Variants in C1orf87 observed in about 807,000 individuals in gnomAD.
The protein encoded by C1orf87 is chromosome 1 open reading frame 87.
C1orf87 carries 58 observed loss-of-function variants against 60.5 expected under a neutral mutation model. The observed-to-expected ratio is 0.96, with a 90% CI of 0.78 to 1.19. C1orf87 has a LOEUF of 1.19. C1orf87 is among the 50% of genes most tolerant of loss of function. The probability of loss-of-function intolerance (pLI) is 0.00; values close to 1 mark genes in which losing one functional copy is unlikely to be tolerated. For missense variants in C1orf87, 673 were observed against 638.6 expected (o/e 1.05, Z -0.58); for synonymous variants, 236 against 227.4 (o/e 1.04, Z -0.34).
At chr1:59,993,275 G>A (rs1044472701) in intron 11 of C1orf87, among the ~76,000 whole-genome samples, 2 of 151,274 alleles carry the variant, frequency 1.3e-5, no homozygotes, top group African/African-American at 4.9e-5. Context: ...TGTCAAAAGA[G>A]GAAAGAAAGA....
At chr1:60,057,861 G>A (rs1456996569) in intron 2 of C1orf87, among the ~76,000 whole-genome samples, 1 of 152,188 alleles carries the variant, frequency 6.6e-6, no homozygotes, top group Admixed American at 6.5e-5. Flanking sequence ...GGCCAACTGA[G>A]TGGCCAGTTA....
At chr1:60,003,387 G>A (rs966722471) in intron 9 of C1orf87, among the ~76,000 whole-genome samples, 1 of 151,912 alleles carries the variant, frequency 6.6e-6, no homozygotes, top group African/African-American at 2.4e-5. Context: ...CGAGTTAGTG[G>A]GTGCAGCGCA....
chr1:60,070,185 T>C (rs973161259), intron 2 of C1orf87, among the ~76,000 whole-genome samples: 10 of 152,310 alleles, frequency 6.6e-5, no homozygotes, highest in Middle Eastern at 6.8e-3. Context: ...CAAGCTAATA[T>C]AGTGGGCTGC....
intron 2 of C1orf87, among the ~76,000 whole-genome samples, chr1:60,068,123 G>A (rs894654717): frequency 2.6e-5 from 4 of 151,988 alleles, no homozygotes; most frequent in South Asian, 2.1e-4. Context: ...ATGCCAGGGC[G>A]CCTCCTAAAA....
intron 3 of C1orf87, 44 bp from the exon 4 acceptor site, chr1:60,041,175 G>A (rs1051596285): frequency 1.4e-6 from 2 of 1,442,780 alleles, no homozygotes; most frequent in Non-Finnish European, 1.9e-6. Flanking sequence ...CAGAAGAGGA[G>A]GTAGGGAAGA....
intron 5 of C1orf87, among the ~76,000 whole-genome samples, 192 bp from the exon 6 acceptor site, chr1:60,038,299 A>G (rs1266825951): frequency 6.6e-6 from 1 of 152,118 alleles, no homozygotes; most frequent in Non-Finnish European, 1.5e-5. Context: ...AAATGGTAAA[A>G]TTGTACTTCC....
At chr1:60,063,945 G>T (rs1421708855) in intron 2 of C1orf87, among the ~76,000 whole-genome samples, 5 of 152,130 alleles carry the variant, frequency 3.3e-5, no homozygotes, top group Middle Eastern at 3.4e-3. Flanking sequence ...GCCAAAGGAG[G>T]TTAACATTTG....
intron 8 of C1orf87, among the ~76,000 whole-genome samples, chr1:60,011,548 A>G (rs1645085037): frequency 6.6e-6 from 1 of 152,020 alleles, no homozygotes; most frequent in African/African-American, 2.4e-5. Flanking sequence ...ATCCTTTGAA[A>G]ATATTTCCTT....
chr1:60,014,835 C>T (rs912951911), intron 8 of C1orf87, among the ~76,000 whole-genome samples: 6 of 152,168 alleles, frequency 3.9e-5, no homozygotes, highest in African/African-American at 1.4e-4. Flanking sequence ...AATACTCTTT[C>T]CCGTCTCTTA....
chr1:60,012,066 GCAA>G (rs893537590), intron 8 of C1orf87, among the ~76,000 whole-genome samples: 6 of 151,912 alleles, frequency 3.9e-5, no homozygotes, highest in Non-Finnish European at 7.4e-5. Flanking sequence ...GCACAGATCT[GCAA>G]ATAAACTACA....
chr1:60,062,928 C>A (rs1456254531), intron 2 of C1orf87, among the ~76,000 whole-genome samples: 1 of 152,068 alleles, frequency 6.6e-6, no homozygotes, highest in East Asian at 1.9e-4. Flanking sequence ...TATTTGCAGA[C>A]TTATGACCAG....
chr1:60,060,957 C>CAAAATGCG (rs1645492626), intron 2 of C1orf87, among the ~76,000 whole-genome samples: 1 of 152,116 alleles, frequency 6.6e-6, no homozygotes, highest in Non-Finnish European at 1.5e-5. Flanking sequence ...TTCGCTTTTG[C>CAAAATGCG]AAGTCTAAGC....
At chr1:60,045,190 C>T (rs1431433356) in intron 3 of C1orf87, among the ~76,000 whole-genome samples, 2 of 152,024 alleles carry the variant, frequency 1.3e-5, no homozygotes, top group Non-Finnish European at 2.9e-5. Context: ...GTTTCTTAAA[C>T]AATTTAGACC....
chr1:60,042,330 G>A (rs1316871342), intron 3 of C1orf87, among the ~76,000 whole-genome samples: 1 of 152,058 alleles, frequency 6.6e-6, no homozygotes, highest in Non-Finnish European at 1.5e-5. Context: ...TGCCTCCCGG[G>A]TTCAAGTGAT....
chr1:60,031,494 C>T (rs2100284413), intron 7 of C1orf87, among the ~76,000 whole-genome samples: 1 of 152,140 alleles, frequency 6.6e-6, no homozygotes, highest in East Asian at 1.9e-4. Flanking sequence ...CTCAATGTGG[C>T]CATCACTTGA....
At chr1:60,023,519 C>T (rs909590829) in intron 8 of C1orf87, among the ~76,000 whole-genome samples, 5 of 151,918 alleles carry the variant, frequency 3.3e-5, no homozygotes, top group South Asian at 2.1e-4. Flanking sequence ...TTAAAATAAA[C>T]CTCATTTTTT....
intron 8 of C1orf87, among the ~76,000 whole-genome samples, chr1:60,012,221 G>T (rs534168100): frequency 1.3e-5 from 2 of 151,386 alleles, no homozygotes; most frequent in South Asian, 4.2e-4. Flanking sequence ...CAAAAACCTA[G>T]ATCCATTAAT....
chr1:60,050,240 T>G (rs1445085050), intron 3 of C1orf87, among the ~76,000 whole-genome samples: 1 of 152,060 alleles, frequency 6.6e-6, no homozygotes, highest in Non-Finnish European at 1.5e-5. Context: ...GATGTTAACA[T>G]TTTATGTACA....
intron 3 of C1orf87, among the ~76,000 whole-genome samples, chr1:60,047,162 C>T (rs1275460906): frequency 1.3e-5 from 2 of 152,120 alleles, no homozygotes; most frequent in African/African-American, 4.8e-5. Flanking sequence ...CCTTCATCAA[C>T]TATTACTTCA....
Sources: allele counts gnomAD v4.1 joint callset (sites outside exome capture counted in the v4.1 genomes callset), GRCh38; gene constraint gnomAD v4.1.1; transcripts MANE v1.5; gene names NCBI Gene and HGNC (gene_info 2026-07-23, HGNC 2026-07-21).